The following ZFPM2 variants were observed in gnomAD, a reference collection of about 807,000 sequenced individuals.
ZFPM2 encodes the protein zinc finger protein, FOG family member 2.
Under a neutral mutation model 98.6 loss-of-function variants are expected in ZFPM2, and 20 were observed. The observed-to-expected ratio is 0.20, with a 90% confidence interval of 0.14 to 0.29. The LOEUF (loss-of-function observed/expected upper bound fraction) is 0.29, where lower values mean the gene tolerates loss of function less well. Among genes scored for constraint, ZFPM2 ranks in the 10% least tolerant of loss-of-function variants. The probability of loss-of-function intolerance (pLI) is 1.00; values close to 1 mark genes in which losing one functional copy is unlikely to be tolerated. For missense variants in ZFPM2, 1,310 were observed against 1,388.6 expected (o/e 0.94, Z 0.90); for synonymous variants, 518 against 502.7 (o/e 1.03, Z -0.41).
intron 4 of ZFPM2, among the ~76,000 whole-genome samples, chr8:105,591,527 G>C (rs1450165): frequency 0.033 from 4,945 of 152,066 alleles, 135 homozygotes; most frequent in Non-Finnish European, 0.049. Flanking sequence ...TTTTAAACTT[G>C]TACACCAGAA....
intron 3 of ZFPM2, among the ~76,000 whole-genome samples, chr8:105,509,813 T>C (rs1219310699): frequency 6.6e-6 from 1 of 152,224 alleles, no homozygotes; most frequent in Non-Finnish European, 1.5e-5. Flanking sequence ...CATATAAATA[T>C]CATTGCTACT....
chr8:105,330,154 A>G (rs1052730494), intron 1 of ZFPM2, among the ~76,000 whole-genome samples: 45 of 151,526 alleles, frequency 3.0e-4, no homozygotes, highest in Admixed American at 6.6e-5. Flanking sequence ...ACTGTGACAG[A>G]ATTGGAATTT....
At chr8:105,598,501 AC>A (rs1347540534) in intron 4 of ZFPM2, among the ~76,000 whole-genome samples, 1 of 152,156 alleles carries the variant, frequency 6.6e-6, no homozygotes, top group African/African-American at 2.4e-5. Context: ...ATTAAATTTT[AC>A]CAACCAGGTA....
chr8:105,682,611 G>A (rs932752064), intron 5 of ZFPM2, among the ~76,000 whole-genome samples: 2 of 152,040 alleles, frequency 1.3e-5, no homozygotes, highest in African/African-American at 4.8e-5. Context: ...TAGAGAATAG[G>A]GAGACAGGAC....
intron 1 of ZFPM2, among the ~76,000 whole-genome samples, chr8:105,350,921 G>A (rs1360312704): frequency 2.0e-5 from 3 of 151,678 alleles, no homozygotes; most frequent in African/African-American, 7.3e-5. Context: ...GGTGGCTCAC[G>A]CCTGTAATCC....
chr8:105,652,061 ATGT>A (rs1452511632), intron 5 of ZFPM2, among the ~76,000 whole-genome samples: 2 of 151,848 alleles, frequency 1.3e-5, no homozygotes, highest in South Asian at 4.2e-4. Flanking sequence ...GATGCAAAAG[ATGT>A]TGTCAAACCA....
At chr8:105,395,832 G>A (rs1317289986) in intron 1 of ZFPM2, among the ~76,000 whole-genome samples, 1 of 152,152 alleles carries the variant, frequency 6.6e-6, no homozygotes, top group African/African-American at 2.4e-5. Context: ...CAGTCAGACA[G>A]CTTGTCAAGG....
intron 4 of ZFPM2, among the ~76,000 whole-genome samples, chr8:105,622,683 A>G (rs945096769): frequency 2.0e-5 from 3 of 152,100 alleles, no homozygotes; most frequent in Admixed American, 2.0e-4. Flanking sequence ...TCCTTTTCTC[A>G]TTGTCACTCC....
intron 3 of ZFPM2, among the ~76,000 whole-genome samples, chr8:105,514,960 T>A (rs776806898): frequency 3.9e-5 from 6 of 152,164 alleles, no homozygotes; most frequent in Non-Finnish European, 7.3e-5. Context: ...TAGAGGTACA[T>A]AGCAATTAAG....
intron 5 of ZFPM2, among the ~76,000 whole-genome samples, chr8:105,780,958 C>T (rs1487024543): frequency 1.3e-5 from 2 of 152,218 alleles, no homozygotes; most frequent in Non-Finnish European, 2.9e-5. Context: ...TGTCTGAACA[C>T]TCCTGTGAAA....
intron 4 of ZFPM2, among the ~76,000 whole-genome samples, chr8:105,631,801 C>G (rs1312969503): frequency 2.0e-5 from 3 of 152,202 alleles, no homozygotes; most frequent in African/African-American, 7.2e-5. Flanking sequence ...AATTGATTTA[C>G]TTTATACTAA....
At chr8:105,413,088 A>G (rs1586354200) in intron 1 of ZFPM2, among the ~76,000 whole-genome samples, 2 of 151,890 alleles carry the variant, frequency 1.3e-5, no homozygotes, top group South Asian at 2.1e-4. Context: ...ATACTAATTG[A>G]ACAAACAGGA....
intron 5 of ZFPM2, among the ~76,000 whole-genome samples, chr8:105,681,453 A>T (rs1308435718): frequency 6.6e-6 from 1 of 152,216 alleles, no homozygotes; most frequent in Non-Finnish European, 1.5e-5. Flanking sequence ...ATTCTGCCAT[A>T]CAATAATAGT....
intron 3 of ZFPM2, among the ~76,000 whole-genome samples, chr8:105,452,325 C>T: frequency 6.6e-6 from 1 of 152,162 alleles, no homozygotes; most frequent in East Asian, 1.9e-4. Context: ...TTACTGTGTT[C>T]TTTCTCGTTG....
intron 4 of ZFPM2, among the ~76,000 whole-genome samples, chr8:105,613,802 T>C (rs1816358219): frequency 6.6e-6 from 1 of 152,076 alleles, no homozygotes; most frequent in African/African-American, 2.4e-5. Context: ...AAGATTAGGG[T>C]TCCAGAATAT....
intron 5 of ZFPM2, among the ~76,000 whole-genome samples, chr8:105,763,734 G>A (rs886576808): frequency 1.3e-5 from 2 of 151,816 alleles, no homozygotes; most frequent in African/African-American, 4.8e-5. Flanking sequence ...ACCCAGATCT[G>A]TCTGATTTTT....
intron 3 of ZFPM2, among the ~76,000 whole-genome samples, chr8:105,545,172 G>A (rs1814668372): frequency 6.6e-6 from 1 of 152,088 alleles, no homozygotes; most frequent in Non-Finnish European, 1.5e-5. Context: ...GTAAGTGTGA[G>A]GAGCTATAGT....
At chr8:105,645,688 G>T (rs1817028500) in intron 5 of ZFPM2, among the ~76,000 whole-genome samples, 1 of 152,108 alleles carries the variant, frequency 6.6e-6, no homozygotes, top group African/African-American at 2.4e-5. Context: ...CTTTGAGGGT[G>T]GGAAGAATAA....
chr8:105,364,194 T>A (rs974269658), intron 1 of ZFPM2, among the ~76,000 whole-genome samples: 54 of 152,070 alleles, frequency 3.6e-4, no homozygotes, highest in African/African-American at 1.3e-3. Flanking sequence ...TACATTTTAC[T>A]AAGACAACCT....
Sources: gnomAD v4.1 joint callset for allele counts (sites outside exome capture counted in the v4.1 genomes callset) on GRCh38, gnomAD v4.1.1 for gene constraint, MANE v1.5 for transcripts, NCBI Gene and HGNC (gene_info 2026-07-23, HGNC 2026-07-21) for gene names.